Variants in ARID1A observed in about 807,000 individuals in gnomAD.
ARID1A encodes the protein AT-rich interaction domain 1A, also known as AT-rich interactive domain-containing protein 1A.
In ARID1A, 20 loss-of-function variants were observed where a neutral mutation model predicts 212.6. That is an observed-to-expected ratio of 0.09 (90% CI 0.07 to 0.14). The LOEUF (loss-of-function observed/expected upper bound fraction) is 0.14. ARID1A is among the 10% of genes least tolerant of loss of function. The pLI is 1.00. For synonymous variants in ARID1A, 1,376 were observed against 1,222.1 expected (o/e 1.13, Z -2.63); for missense variants, 2,587 against 3,059.0 (o/e 0.85, Z 3.64).
intron 1 of ARID1A, among the ~76,000 whole-genome samples, chr1:26,726,046 G>T (rs2080613952): frequency 6.6e-6 from 1 of 151,724 alleles, no homozygotes; most frequent in Non-Finnish European, 1.5e-5. Context: ...GTAGAGACGG[G>T]GTTTCACCAT....
rs144153227 is a variant in ARID1A, at chr1:26,762,225, G to A, written c.2325G>A (p.Gln775=). 1.2e-5 allele frequency: 20 copies of A among 1,614,196 alleles called. No homozygotes were observed. In the African/African-American group the frequency reaches 2.5e-4, roughly 20 times the overall value. The change falls in exon 7 of 20, where the codon CAG becomes CAA. Residue 775 remains glutamine, a synonymous_variant. Transcript: ENST00000324856. ...PQPGSALSPR[Q]PSGGQIHTGM... ...CCGGCTCAGCCTTATCTCCGCGTCA[G>A]CCTTCCGGAGGACAGATACACACAG...
intron 1 of ARID1A, among the ~76,000 whole-genome samples, chr1:26,728,575 A>T (rs1225535594): frequency 6.6e-6 from 1 of 152,178 alleles, no homozygotes; most frequent in East Asian, 1.9e-4. Flanking sequence ...AGTGATTCTG[A>T]TGCATGCTAA....
At position 26,758,177 on chromosome 1, in the gene ARID1A, C is replaced by G. The variant is rs141620941; in HGVS notation, c.1921-2679C>G. ...TTGCTATATAGACTGTAGGGCCTAA[C>G]GAGTGCTTCTTGAGACCCTTTCTAC... On this transcript the variant is annotated intron_variant, in intron 4 of 19. Coordinates refer to ENST00000324856, the MANE Select transcript of ARID1A (RefSeq NM_006015.6). 3.3e-5 allele frequency among the ~76,000 whole-genome samples: 5 copies of G among 152,116 alleles called. No homozygotes were observed. The East Asian group carries it at 9.6e-4, about 29-fold the overall frequency.
intron 4 of ARID1A, among the ~76,000 whole-genome samples, chr1:26,734,716 G>T (rs79332332): frequency 0.058 from 8,864 of 152,240 alleles, 363 homozygotes; most frequent in Non-Finnish European, 0.087. Flanking sequence ...ATTTGCCTAC[G>T]CAGGCTAGGA....
intron 19 of ARID1A, among the ~76,000 whole-genome samples, chr1:26,777,534 G>A (rs1264435930): frequency 2.0e-5 from 3 of 151,498 alleles, no homozygotes; most frequent in Non-Finnish European, 4.4e-5. Flanking sequence ...TCCAGGCCCC[G>A]GATAACTTCT....
At chr1:26,751,982 T>C (rs189862364) in intron 4 of ARID1A, among the ~76,000 whole-genome samples, 7 of 152,320 alleles carry the variant, frequency 4.6e-5, no homozygotes, top group Admixed American at 4.6e-4. Context: ...TCCTATGCAA[T>C]GGTTTCTAAG....
intron 1 of ARID1A, among the ~76,000 whole-genome samples, chr1:26,706,215 T>G (rs1472925415): frequency 1.3e-5 from 2 of 152,218 alleles, no homozygotes; most frequent in African/African-American, 4.8e-5. Context: ...TTCCCAAGTC[T>G]GCAAAGTTAG....
chr1:26,730,247 A>G (rs1269849824), intron 2 of ARID1A, among the ~76,000 whole-genome samples: 2 of 152,220 alleles, frequency 1.3e-5, no homozygotes, highest in East Asian at 1.9e-4. Flanking sequence ...ATGCTTCTGA[A>G]TACCTTTAAC....
chr1:26,729,051 C>T (rs2080647497), intron 1 of ARID1A: 1 of 152,684 alleles, frequency 6.5e-6, no homozygotes, highest in South Asian at 2.1e-4. Flanking sequence ...CTTATATCTT[C>T]AAACTCTTGA....
chr1:26,712,763 A>G (rs2080466329), intron 1 of ARID1A, among the ~76,000 whole-genome samples: 1 of 152,108 alleles, frequency 6.6e-6, no homozygotes, highest in Admixed American at 6.5e-5. Flanking sequence ...GTGAATGAGG[A>G]CTCTCTGAGG....
At chr1:26,729,554 T>G in intron 1 of ARID1A, 97 bp from the exon 2 acceptor site, 1 of 1,368,530 alleles carries the variant, frequency 7.3e-7, no homozygotes, top group Admixed American at 1.8e-5. Flanking sequence ...TATTTCTTTA[T>G]AGCATACAGA....
chr1:26,716,270 T>C (rs897723055), intron 1 of ARID1A, among the ~76,000 whole-genome samples: 4 of 152,030 alleles, frequency 2.6e-5, no homozygotes, highest in African/African-American at 9.7e-5. Context: ...TTGCTTACAT[T>C]AATGCAAAAA....
chr1:26,761,313 T>C lies in ARID1A; in HGVS notation c.2162-71T>C, dbSNP rs372166256. The C allele has an allele frequency of 1.6e-4, 259 of 1,572,540 alleles. 1 individual carries two copies. The South Asian group carries it at 2.7e-3, about 17-fold the overall frequency. ...CCTCTTCATGAGCCATTTCTAGCTC[T>C]GAATTAACTTCCTAGTTAGAATTCC... On this transcript the variant is annotated intron_variant, in intron 5 of 19. Transcript: ENST00000324856.
intron 1 of ARID1A, among the ~76,000 whole-genome samples, chr1:26,705,264 A>T (rs1156441864): frequency 2.0e-5 from 3 of 151,680 alleles, no homozygotes; most frequent in Non-Finnish European, 4.4e-5. Context: ...CAGCCTCCTG[A>T]GTAGCTGGGA....
rs2124080511 is a variant in ARID1A at position 26,766,361 on chromosome 1, C to G, written c.2873C>G (p.Ser958Cys). 1.2e-6 allele frequency: 2 copies of G among 1,614,158 alleles called. No individual in the cohort carries two copies. Among genetic ancestry groups the G allele is most frequent in the Non-Finnish European group, 1.7e-6 (2 of 1,180,018 alleles). The part of the protein sequence containing the change: ...YSMGGTMANN[S>C]AGMAASPEMM... ...ATGGGTGGAACCATGGCCAACAATT[C>G]TGCAGGTAAGTGCTAGTCATTCTCA... is the stretch of plus-strand genomic sequence containing the variant. The change falls in exon 9 of 20, where the codon TCT (serine) becomes TGT (cysteine). Residue 958 changes from serine (S) to cysteine (C), a missense_variant. Around this residue, in one of 11 missense-constraint regions of ARID1A, gnomAD observed 674 missense variants for 813.4 expected, o/e 0.83. Coordinates refer to ENST00000324856, the MANE Select transcript of ARID1A (RefSeq NM_006015.6).
At chr1:26,743,582 T>C (rs184312755) in intron 4 of ARID1A, among the ~76,000 whole-genome samples, 13 of 152,076 alleles carry the variant, frequency 8.5e-5, no homozygotes, top group African/African-American at 3.1e-4. Flanking sequence ...ACACCTATAG[T>C]CCCAGCACTT....
At chr1:26,761,197 C>T (rs2080988958) in intron 5 of ARID1A, 101 bp downstream of exon 5, 2 of 1,517,626 alleles carry the variant, frequency 1.3e-6, no homozygotes, top group Admixed American at 2.0e-5. Flanking sequence ...ATCTCTGGCT[C>T]ATGCCTGCAT....
At chr1:26,745,222 G>C (rs2080825464) in intron 4 of ARID1A, among the ~76,000 whole-genome samples, 1 of 152,166 alleles carries the variant, frequency 6.6e-6, no homozygotes, top group Non-Finnish European at 1.5e-5. Context: ...CTATCTCGGA[G>C]CTACTATTAG....
intron 1 of ARID1A, among the ~76,000 whole-genome samples, chr1:26,710,294 C>T (rs571101004): frequency 4.6e-5 from 7 of 151,290 alleles, no homozygotes; most frequent in South Asian, 2.1e-4. Context: ...ATTAGCTAGG[C>T]GTGGTGGCGG....
Sources: allele counts gnomAD v4.1 joint callset (sites outside exome capture counted in the v4.1 genomes callset), GRCh38; gene constraint gnomAD v4.1.1; regional missense constraint gnomAD v4.1.1; transcripts MANE v1.5; gene names NCBI Gene and HGNC (gene_info 2026-07-23, HGNC 2026-07-21).